Variants in GRID2 observed in about 807,000 individuals in gnomAD.
GRID2 encodes glutamate ionotropic receptor delta type subunit 2.
GRID2 carries 33 observed loss-of-function variants against 114.8 expected under a neutral mutation model. The ratio of observed to expected loss-of-function variants is 0.29; its 90% CI spans 0.22 to 0.38. The LOEUF (loss-of-function observed/expected upper bound fraction) is 0.38. GRID2 is among the 10% of genes least tolerant of loss of function. GRID2 has a pLI of 1.00. For synonymous variants in GRID2, 505 were observed against 449.9 expected, an observed-to-expected ratio of 1.12 and a Z score of -1.55; for missense variants, 1,184 against 1,257.7, an observed-to-expected ratio of 0.94 and a Z score of 0.89.
At chr4:93,211,541 G>T (rs1743478667) in intron 5 of GRID2, among the ~76,000 whole-genome samples, 1 of 152,020 alleles carries the variant, frequency 6.6e-6, no homozygotes, top group Admixed American at 6.6e-5. Flanking sequence ...AAGTCTAGGA[G>T]ATAATTAAGG....
intron 8 of GRID2, among the ~76,000 whole-genome samples, chr4:93,287,740 G>T (rs916035028): frequency 6.6e-6 from 1 of 152,142 alleles, no homozygotes; most frequent in African/African-American, 2.4e-5. Flanking sequence ...ACTAGGAAAG[G>T]CTAAATTCAC....
intron 4 of GRID2, among the ~76,000 whole-genome samples, chr4:93,158,568 C>A (rs954809955): frequency 4.0e-5 from 6 of 151,672 alleles, no homozygotes; most frequent in Non-Finnish European, 7.4e-5. Flanking sequence ...GTCATATTTG[C>A]ATTTTTTTTG....
At chr4:92,783,903 C>T (rs979332314) in intron 2 of GRID2, among the ~76,000 whole-genome samples, 4 of 151,916 alleles carry the variant, frequency 2.6e-5, no homozygotes, top group Admixed American at 2.6e-4. Context: ...AAAAAAAAGT[C>T]TATAACTTCA....
intron 11 of GRID2, among the ~76,000 whole-genome samples, chr4:93,469,085 A>G (rs1281831923): frequency 1.3e-5 from 2 of 152,236 alleles, no homozygotes; most frequent in East Asian, 1.9e-4. Context: ...AAATCAAGAG[A>G]TACGTCTCAT....
intron 8 of GRID2, among the ~76,000 whole-genome samples, chr4:93,256,235 A>G (rs1434673990): frequency 6.6e-6 from 1 of 151,932 alleles, no homozygotes; most frequent in East Asian, 1.9e-4. Context: ...AATGGCAACC[A>G]TGTTTTAACT....
chr4:92,378,545 T>G (rs930607149), intron 1 of GRID2, among the ~76,000 whole-genome samples: 3 of 152,126 alleles, frequency 2.0e-5, no homozygotes, highest in Non-Finnish European at 4.4e-5. Flanking sequence ...TTTACTATAT[T>G]AATTCAATCA....
intron 2 of GRID2, among the ~76,000 whole-genome samples, chr4:92,782,237 T>C (rs1739115105): frequency 6.6e-6 from 1 of 151,972 alleles, no homozygotes. Context: ...GAATTTGGGG[T>C]TTATTGGTAC....
At chr4:93,711,184 G>A (rs1437623149) in intron 14 of GRID2, among the ~76,000 whole-genome samples, 3 of 152,020 alleles carry the variant, frequency 2.0e-5, no homozygotes, top group Admixed American at 6.6e-5. Flanking sequence ...CACTGGGTCA[G>A]ACCTAAAGCC....
intron 4 of GRID2, among the ~76,000 whole-genome samples, chr4:93,153,131 A>G (rs1048163974): frequency 6.6e-6 from 1 of 152,142 alleles, no homozygotes; most frequent in Non-Finnish European, 1.5e-5. Context: ...CAAAGACTCA[A>G]AAAAGACTGG....
At chr4:92,620,512 T>C (rs573844400) in intron 2 of GRID2, among the ~76,000 whole-genome samples, 1 of 151,868 alleles carries the variant, frequency 6.6e-6, no homozygotes, top group African/African-American at 2.4e-5. Flanking sequence ...ATTTGGCATT[T>C]GGTAACTGGA....
chr4:92,902,051 C>T (rs78633297), intron 2 of GRID2, among the ~76,000 whole-genome samples: 3,289 of 152,144 alleles, frequency 0.022, 55 homozygotes, highest in East Asian at 0.053. Context: ...TCACTACTTA[C>T]TATTTTGGTG....
chr4:93,193,144 G>A (rs1255492264), intron 4 of GRID2, among the ~76,000 whole-genome samples: 1 of 152,110 alleles, frequency 6.6e-6, no homozygotes, highest in Admixed American at 6.6e-5. Context: ...ATCTTGGAAG[G>A]AAAGCTTTTA....
At chr4:92,941,717 T>G (rs1751149212) in intron 2 of GRID2, among the ~76,000 whole-genome samples, 1 of 152,198 alleles carries the variant, frequency 6.6e-6, no homozygotes, top group African/African-American at 2.4e-5. Flanking sequence ...GTGCTGCAAA[T>G]TTCCCTCTAC....
At chr4:93,494,681 C>T (rs1387520726) in intron 12 of GRID2, among the ~76,000 whole-genome samples, 1 of 151,642 alleles carries the variant, frequency 6.6e-6, no homozygotes, top group African/African-American at 2.4e-5. Flanking sequence ...CAGAGTATGA[C>T]ACAGTTCAGT....
intron 1 of GRID2, among the ~76,000 whole-genome samples, chr4:92,337,632 T>C (rs1727256318): frequency 2.0e-5 from 3 of 152,086 alleles, no homozygotes; most frequent in Admixed American, 1.3e-4. Flanking sequence ...TACCAAACAC[T>C]TATGAAACCA....
intron 2 of GRID2, among the ~76,000 whole-genome samples, chr4:92,915,613 G>T (rs765939003): frequency 2.0e-5 from 3 of 152,052 alleles, no homozygotes; most frequent in Non-Finnish European, 4.4e-5. Flanking sequence ...TGTTATTTCT[G>T]CTTTTAGATT....
intron 1 of GRID2, among the ~76,000 whole-genome samples, chr4:93,796,038 G>T (rs1734793569): frequency 6.6e-6 from 1 of 152,062 alleles, no homozygotes; most frequent in African/African-American, 2.4e-5. Flanking sequence ...CAGGACAGAG[G>T]CCCCTATTCT....
At chr4:92,331,550 T>C (rs1485162415) in intron 1 of GRID2, among the ~76,000 whole-genome samples, 1 of 152,172 alleles carries the variant, frequency 6.6e-6, no homozygotes, top group Admixed American at 6.6e-5. Context: ...AGAAAGGGAA[T>C]ACATGCAGAC....
intron 13 of GRID2, among the ~76,000 whole-genome samples, chr4:93,625,949 C>T (rs114727357): frequency 5.7e-4 from 85 of 149,210 alleles, no homozygotes; most frequent in African/African-American, 1.9e-3. Flanking sequence ...AAAAATAAAG[C>T]GCAACAACTG....
Sources: allele counts gnomAD v4.1 joint callset (sites outside exome capture counted in the v4.1 genomes callset), GRCh38; gene constraint gnomAD v4.1.1; transcripts MANE v1.5; gene names NCBI Gene and HGNC (gene_info 2026-07-23, HGNC 2026-07-21).